The following ANKRD12 variants were observed in gnomAD, a reference collection of about 807,000 sequenced individuals.
ANKRD12 encodes the protein ankyrin repeat domain-containing protein 12.
Under a neutral mutation model 183.4 loss-of-function variants are expected in ANKRD12, and 85 were observed. That is an observed-to-expected ratio of 0.46 (90% CI 0.39 to 0.56). The LOEUF (loss-of-function observed/expected upper bound fraction) is 0.56, where lower values mean the gene tolerates loss of function less well. ANKRD12 is among the 20% of genes least tolerant of loss of function. The pLI is 0.00. For synonymous variants in ANKRD12, 914 were observed against 800.2 expected, an observed-to-expected ratio of 1.14 and a Z score of -2.40; for missense variants, 2,405 against 2,357.1, an observed-to-expected ratio of 1.02 and a Z score of -0.42.
intron 1 of ANKRD12, among the ~76,000 whole-genome samples, chr18:9,141,922 GT>G (rs2078329847): frequency 6.6e-6 from 1 of 152,074 alleles, no homozygotes; most frequent in African/African-American, 2.4e-5. Context: ...TAAATAGTGG[GT>G]TTTTTGTTTG....
Position 9,255,071 on chromosome 18 carries a change from C to A in ANKRD12, c.1804C>A (p.His602Asn). The change falls in exon 9 of 13, where the codon CAT becomes AAT. Residue 602 changes from histidine to asparagine, a missense_variant. Transcript: ENST00000262126. ...AAGTTCAAGTGTAAAATCTTGTAAG[C>A]ATAAGGAAAAAAGCAAACATCAGAA... is the stretch of plus-strand genomic sequence containing the variant. Reference protein sequence around the residue: ...PESSSVKSCKHKEKSKHQKDF... With the variant: ...PESSSVKSCKNKEKSKHQKDF... 1.9e-6 allele frequency: 3 copies of A among 1,577,232 alleles called. No homozygotes were observed. The highest frequency in any genetic ancestry group is 2.0e-5 in the Admixed American group (1 of 50,534).
chr18:9,187,013 A>G (rs1016357876), intron 2 of ANKRD12, among the ~76,000 whole-genome samples: 1 of 151,974 alleles, frequency 6.6e-6, no homozygotes, highest in Non-Finnish European at 1.5e-5. Flanking sequence ...CGCCCACCTC[A>G]GCCTCCCAAA....
intron 10 of ANKRD12, among the ~76,000 whole-genome samples, chr18:9,265,376 C>A (rs1279043701): frequency 6.6e-6 from 1 of 152,236 alleles, no homozygotes; most frequent in Non-Finnish European, 1.5e-5. Context: ...GGCACCCCCC[C>A]AGTAGGTGCA....
chr18:9,189,811 G>C (rs954059405), intron 2 of ANKRD12, among the ~76,000 whole-genome samples: 3 of 152,164 alleles, frequency 2.0e-5, no homozygotes, highest in African/African-American at 4.8e-5. Context: ...ACTGCTCATT[G>C]ACAACATGTC....
intron 1 of ANKRD12, among the ~76,000 whole-genome samples, chr18:9,141,897 G>A (rs892922036): frequency 1.3e-5 from 2 of 152,068 alleles, no homozygotes; most frequent in Non-Finnish European, 2.9e-5. Flanking sequence ...TTGGGGAATT[G>A]TTAACCTTTT....
chr18:9,202,499 A>G (rs9946475), intron 3 of ANKRD12, among the ~76,000 whole-genome samples: 85,957 of 152,110 alleles, frequency 0.57, 25,334 homozygotes, highest in South Asian at 0.75. Flanking sequence ...CTGATATTTC[A>G]TTATAAAAAT....
At chr18:9,174,127 A>C (rs1018190861) in intron 1 of ANKRD12, among the ~76,000 whole-genome samples, 2 of 152,222 alleles carry the variant, frequency 1.3e-5, no homozygotes, top group Non-Finnish European at 2.9e-5. Context: ...ACTCCTCCTC[A>C]TCAGGACCAC....
chr18:9,272,572 A>AG (rs1476664199), intron 10 of ANKRD12, among the ~76,000 whole-genome samples: 3 of 152,050 alleles, frequency 2.0e-5, no homozygotes, highest in Non-Finnish European at 2.9e-5. Context: ...AAAAAAAAAA[A>AG]GAAAAAAGAA....
rs1484091256 is a variant in ANKRD12 at position 9,257,129 on chromosome 18, T to G, written c.3862T>G (p.Ser1288Ala). 4.3e-6 allele frequency: 7 copies of G among 1,614,014 alleles called. No homozygotes were observed. The African/African-American group carries it at 9.3e-5, about 22-fold the overall frequency. Residue 1288 changes from serine (S) to alanine (A), a missense_variant, in exon 9 of 13, where the codon TCA becomes GCA. By Grantham distance (99) the Ser-to-Ala change is moderately conservative. Around this residue, in one of 7 missense-constraint regions of ANKRD12, gnomAD observed 1,983 missense variants for 1,725.9 expected, o/e 1.15. Coordinates refer to ENST00000262126, the MANE Select transcript of ANKRD12 (RefSeq NM_015208.5). ...ANRLSTSHLR[S>A]SSVEDVKLII... is the part of the protein sequence containing the mutation. ...CAGACTTTCAACATCCCATCTTAGG[T>G]CATCTTCTGTAGAAGATGTTAAACT...
At chr18:9,146,190 A>C (rs2078487130) in intron 1 of ANKRD12, among the ~76,000 whole-genome samples, 1 of 152,184 alleles carries the variant, frequency 6.6e-6, no homozygotes, top group Admixed American at 6.5e-5. Flanking sequence ...TAACATTTGC[A>C]CCATCAGTGA....
intron 8 of ANKRD12, among the ~76,000 whole-genome samples, chr18:9,240,380 G>T (rs547133126): frequency 6.6e-6 from 1 of 152,120 alleles, no homozygotes; most frequent in South Asian, 2.1e-4. Context: ...TCCAGCAATA[G>T]TGTTTGCTTC....
chr18:9,276,392 C>G (rs146981698), intron 11 of ANKRD12, among the ~76,000 whole-genome samples: 4 of 151,950 alleles, frequency 2.6e-5, no homozygotes, highest in Non-Finnish European at 5.9e-5. Context: ...ATAAAAAAAT[C>G]AAGATTGAAC....
chr18:9,190,781 G>T (rs1253870664), intron 2 of ANKRD12, among the ~76,000 whole-genome samples: 3 of 152,114 alleles, frequency 2.0e-5, no homozygotes, highest in African/African-American at 7.2e-5. Context: ...ATTAAAGTAG[G>T]TATATATGTA....
At chr18:9,185,083 AGT>A (rs2033956371) in intron 2 of ANKRD12, among the ~76,000 whole-genome samples, 1 of 152,210 alleles carries the variant, frequency 6.6e-6, no homozygotes, top group Admixed American at 6.5e-5. Context: ...GGAAAGTGAA[AGT>A]AAAGGGTAGT....
At chr18:9,194,993 T>C (rs2034688190) in intron 2 of ANKRD12, among the ~76,000 whole-genome samples, 1 of 152,182 alleles carries the variant, frequency 6.6e-6, no homozygotes, top group South Asian at 2.1e-4. Flanking sequence ...CATGGAACAC[T>C]ATGCAGCCAT....
At position 9,281,189 on chromosome 18, in the gene ANKRD12, T is replaced by G; in HGVS notation, c.*63T>G. 1.4e-6 allele frequency: 2 copies of G among 1,396,400 alleles called. No homozygotes were observed. Among genetic ancestry groups the G allele is most frequent in the Non-Finnish European group, 1.9e-6 (2 of 1,030,438 alleles). The allele number at this position is 1,396,400 out of a possible 1,614,324, so 86.5% of individuals were successfully genotyped here. On this transcript the variant is annotated 3_prime_UTR_variant, in exon 13 of 13. Transcript: ENST00000262126. Reference sequence around the variant, plus strand: ...GATGCTCAAGCATTATACTGTGGAATACTGCCTTTTGACAAAAATACTCAT... The same window carrying G: ...GATGCTCAAGCATTATACTGTGGAAGACTGCCTTTTGACAAAAATACTCAT...
chr18:9,171,475 T>C lies in ANKRD12; in HGVS notation c.-51-10907T>C, dbSNP rs561821290. Among the ~76,000 whole-genome samples, 3 of 152,328 alleles carry C rather than the reference T, an allele frequency of 2.0e-5. No homozygotes were observed. In the South Asian group the frequency reaches 6.2e-4, roughly 32 times the overall value. The stretch of plus-strand genomic sequence containing the variant: ...GAATTTGATCCTGTCATCATGATGC[T>C]AGCTGGTTATTTGTTAGACTTGTTT... On this transcript the variant is annotated intron_variant, in intron 1 of 12. Transcript: ENST00000262126.
At position 9,218,017 on chromosome 18, in the gene ANKRD12, C is replaced by T. The variant is rs147355329; in HGVS notation, c.795+1117C>T. Among the ~76,000 whole-genome samples, 23 of 152,262 alleles carry T rather than the reference C, an allele frequency of 1.5e-4. No homozygotes were observed. In the East Asian group the frequency reaches 4.4e-3, roughly 29 times the overall value. ...TTCCTTTGAATTTATCGGAAACTGA[C>T]TTACTTTCTGGCTTTGATATTTTAA... On this transcript the variant is annotated intron_variant, in intron 7 of 12. Coordinates refer to ENST00000262126, the MANE Select transcript of ANKRD12 (RefSeq NM_015208.5).
intron 10 of ANKRD12, among the ~76,000 whole-genome samples, chr18:9,275,010 C>G (rs943814631): frequency 2.0e-5 from 3 of 151,376 alleles, no homozygotes; most frequent in African/African-American, 7.3e-5. Flanking sequence ...TAGTGAGACC[C>G]CTGTTTCTAC....
Sources: gnomAD v4.1 joint callset for allele counts (sites outside exome capture counted in the v4.1 genomes callset) on GRCh38, gnomAD v4.1.1 for gene constraint, gnomAD v4.1.1 regional missense constraint, MANE v1.5 for transcripts, NCBI Gene and HGNC (gene_info 2026-07-23, HGNC 2026-07-21) for gene names.